Variants in SDK1 observed in about 807,000 individuals in gnomAD.
The protein encoded by SDK1 is sidekick cell adhesion molecule 1.
SDK1 carries 157 observed loss-of-function variants against 245.5 expected under a neutral mutation model. That is an observed-to-expected ratio of 0.64 (90% confidence interval 0.56 to 0.73). The LOEUF (loss-of-function observed/expected upper bound fraction) is 0.73. Among genes scored for constraint, SDK1 ranks in the 30% least tolerant of loss-of-function variants. The probability of loss-of-function intolerance (pLI) is 0.00; values close to 1 mark genes in which losing one functional copy is unlikely to be tolerated. For synonymous variants in SDK1, 1,647 were observed against 1,278.5 expected (o/e 1.29, Z -6.15); for missense variants, 3,583 against 3,002.3 (o/e 1.19, Z -4.52).
At chr7:3,781,266 T>G (rs191791067) in intron 4 of SDK1, among the ~76,000 whole-genome samples, 1 of 152,214 alleles carries the variant, frequency 6.6e-6, no homozygotes, top group African/African-American at 2.4e-5. Flanking sequence ...ATTGCAGTAC[T>G]TAGCCAGCAA....
At chr7:3,712,164 C>T (rs1341511293) in intron 4 of SDK1, among the ~76,000 whole-genome samples, 8 of 152,126 alleles carry the variant, frequency 5.3e-5, no homozygotes, top group South Asian at 2.1e-4. Flanking sequence ...GGCAAGTGAG[C>T]GAAGTCTCAT....
intron 30 of SDK1, among the ~76,000 whole-genome samples, chr7:4,153,210 C>T (rs542746524): frequency 1.8e-4 from 27 of 150,984 alleles, no homozygotes; most frequent in African/African-American, 5.3e-4. Flanking sequence ...GTCAGCACCA[C>T]GGCCCTAGCT....
chr7:4,230,039 AGAAGGAAGGAAGGAAGGAAGGAAG>A (rs55723679), intron 40 of SDK1, among the ~76,000 whole-genome samples: 51 of 66,640 alleles, frequency 7.7e-4, no homozygotes, highest in Middle Eastern at 0.01. Context: ...AGGGGGACCC[AGAAGGAAGGAAGGAAGGAAGGAAG>A]GAAGGAAGGA....
intron 1 of SDK1, among the ~76,000 whole-genome samples, chr7:3,368,081 G>A (rs2128562500): frequency 6.6e-6 from 1 of 152,284 alleles, no homozygotes; most frequent in South Asian, 2.1e-4. Flanking sequence ...GCAATAAGGA[G>A]TTCTATCATA....
At chr7:3,388,673 A>G (rs546700970) in intron 1 of SDK1, among the ~76,000 whole-genome samples, 1 of 152,208 alleles carries the variant, frequency 6.6e-6, no homozygotes, top group African/African-American at 2.4e-5. Context: ...GAGATGAGAT[A>G]TTAAAAATTA....
At chr7:3,729,585 G>T (rs894421628) in intron 4 of SDK1, among the ~76,000 whole-genome samples, 38 of 152,252 alleles carry the variant, frequency 2.5e-4, no homozygotes, top group African/African-American at 9.1e-4. Flanking sequence ...AAGGTTAATT[G>T]GTTGGCCACA....
chr7:3,612,640 G>A (rs1781630171), intron 1 of SDK1, among the ~76,000 whole-genome samples: 1 of 152,100 alleles, frequency 6.6e-6, no homozygotes, highest in Non-Finnish European at 1.5e-5. Context: ...CATAAGCTTG[G>A]GGCATGAAAA....
At chr7:3,518,799 T>G (rs755531090) in intron 1 of SDK1, among the ~76,000 whole-genome samples, 1 of 152,080 alleles carries the variant, frequency 6.6e-6, no homozygotes, top group Admixed American at 6.5e-5. Flanking sequence ...TACTGGGCAT[T>G]TATCCAGAGG....
chr7:3,468,268 A>G (rs143452885), intron 1 of SDK1, among the ~76,000 whole-genome samples: 35 of 152,316 alleles, frequency 2.3e-4, no homozygotes, highest in Non-Finnish European at 4.7e-4. Context: ...GTTTTCTGAA[A>G]TGATATAAAC....
chr7:3,736,866 C>T (rs775177168), intron 4 of SDK1, among the ~76,000 whole-genome samples: 39 of 152,188 alleles, frequency 2.6e-4, no homozygotes, highest in Non-Finnish European at 4.1e-4. Flanking sequence ...GCAGTCACCA[C>T]GCTGTAGCTT....
intron 22 of SDK1, among the ~76,000 whole-genome samples, chr7:4,099,917 C>T (rs1042678278): frequency 1.7e-4 from 26 of 152,038 alleles, no homozygotes; most frequent in African/African-American, 5.8e-4. Flanking sequence ...GGGCTGACCT[C>T]GTCCCACTGG....
chr7:3,483,483 T>G (rs1044819733), intron 1 of SDK1, among the ~76,000 whole-genome samples: 1 of 152,190 alleles, frequency 6.6e-6, no homozygotes, highest in African/African-American at 2.4e-5. Context: ...ATTTTCTAGG[T>G]GAATAATCAT....
At chr7:3,951,144 G>A (rs2128125212) in intron 6 of SDK1, 110 bp downstream of exon 6, 3 of 813,510 alleles carry the variant, frequency 3.7e-6, no homozygotes, top group Non-Finnish European at 6.2e-6. Flanking sequence ...AGCGACAGTG[G>A]TCTTGTTTGG....
At chr7:4,070,043 C>T (rs920074304) in intron 20 of SDK1, among the ~76,000 whole-genome samples, 3 of 152,180 alleles carry the variant, frequency 2.0e-5, no homozygotes, top group Non-Finnish European at 4.4e-5. Context: ...CTCAAAGCAC[C>T]CTGAGGCCAC....
chr7:3,703,715 A>G (rs1048034569), intron 4 of SDK1, among the ~76,000 whole-genome samples: 3 of 152,334 alleles, frequency 2.0e-5, no homozygotes, highest in Non-Finnish European at 4.4e-5. Context: ...CTATGAATCT[A>G]TAATTATTTC....
intron 7 of SDK1, among the ~76,000 whole-genome samples, chr7:3,952,418 A>G (rs1344836624): frequency 6.6e-6 from 1 of 152,136 alleles, no homozygotes; most frequent in Non-Finnish European, 1.5e-5. Context: ...GCCCGTCTCT[A>G]CTAAAAATAC....
rs778855648 is a variant in SDK1, at chr7:4,208,197, T to C, written c.5313T>C (p.His1771=). The change falls in exon 37 of 45, where the codon CAT becomes CAC. Residue 1771 remains histidine, a synonymous_variant. Transcript: ENST00000404826. ...PVVRLKNLTS[H]TKYLVSISAF... is the part of the protein sequence containing the mutation. ...TGAGGCTGAAGAACCTGACCAGCCA[T>C]ACCAAGTACCTGGTCAGCATATCAG... 3.7e-6 allele frequency: 6 copies of C among 1,613,956 alleles called. No homozygotes were observed. The Admixed American group carries it at 6.7e-5, about 18-fold the overall frequency.
intron 32 of SDK1, among the ~76,000 whole-genome samples, chr7:4,166,500 C>T (rs1029004334): frequency 9.2e-5 from 14 of 152,230 alleles, no homozygotes; most frequent in South Asian, 2.1e-4. Context: ...GCGTGGCCCC[C>T]GGCACAGCCT....
At chr7:3,458,511 C>T (rs1562498262) in intron 1 of SDK1, among the ~76,000 whole-genome samples, 2 of 151,878 alleles carry the variant, frequency 1.3e-5, no homozygotes, top group Non-Finnish European at 2.9e-5. Flanking sequence ...AGGCCATCTA[C>T]CCCCTTTTTT....
Sources: allele counts gnomAD v4.1 joint callset (sites outside exome capture counted in the v4.1 genomes callset), GRCh38; gene constraint gnomAD v4.1.1; transcripts MANE v1.5; gene names NCBI Gene and HGNC (gene_info 2026-07-23, HGNC 2026-07-21).